Variants in ZNF69 observed in about 807,000 individuals in gnomAD.
The protein encoded by ZNF69 is ZNF3.
ZNF69 carries 47 observed loss-of-function variants against 50.9 expected under a neutral mutation model. The observed-to-expected ratio is 0.92, with a 90% CI of 0.73 to 1.18. ZNF69 has a LOEUF of 1.18. ZNF69 is among the 50% of genes most tolerant of loss of function. The pLI, the probability that ZNF69 is intolerant of heterozygous loss-of-function variation, is 0.00. For synonymous variants in ZNF69, 216 were observed against 223.1 expected, an observed-to-expected ratio of 0.97 and a Z score of 0.29; for missense variants, 717 against 675.1, an observed-to-expected ratio of 1.06 and a Z score of -0.69.
At chr19:11,898,036 T>A (rs916536286) in intron 1 of ZNF69, among the ~76,000 whole-genome samples, 3 of 152,156 alleles carry the variant, frequency 2.0e-5, no homozygotes, top group Admixed American at 1.3e-4. Flanking sequence ...AAATATTACA[T>A]GTGCACAAAA....
the ZNF69 span, among the ~76,000 whole-genome samples, chr19:11,928,685 T>C: frequency 1.6e-5 from 2 of 128,176 alleles, no homozygotes; most frequent in African/African-American, 6.4e-5. Flanking sequence ...TGAGCCGAGA[T>C]CCCGCCACTG....
downstream of ZNF69, among the ~76,000 whole-genome samples, chr19:11,911,611 G>A (rs1972459205): frequency 6.6e-6 from 1 of 152,126 alleles, no homozygotes; most frequent in Non-Finnish European, 1.5e-5. Flanking sequence ...TCATAGGAGA[G>A]AACTGAACAA....
chr19:11,967,925 C>T, the ZNF69 span, among the ~76,000 whole-genome samples: 1 of 152,156 alleles, frequency 6.6e-6, no homozygotes, highest in East Asian at 1.9e-4. Flanking sequence ...TATCCTTTAC[C>T]TTTTAGCACA....
At chr19:11,900,834 A>T (rs1408906021) in intron 1 of ZNF69, among the ~76,000 whole-genome samples, 1 of 152,102 alleles carries the variant, frequency 6.6e-6, no homozygotes, top group Admixed American at 6.5e-5. Context: ...ATGAAGTCCA[A>T]TTTATCGATT....
chr19:11,953,108 T>G, the ZNF69 span: 1 of 152,062 alleles, frequency 6.6e-6, no homozygotes, highest in African/African-American at 2.4e-5. Flanking sequence ...AAGAGTTGGG[T>G]GCACCTGGAT....
the ZNF69 span, chr19:11,978,252 G>A: frequency 1.4e-3 from 2,231 of 1,614,028 alleles, 30 homozygotes; most frequent in African/African-American, 0.027. Flanking sequence ...TGATAACTTT[G>A]TATGTGGAGA....
the ZNF69 span, among the ~76,000 whole-genome samples, chr19:11,938,235 AT>A: frequency 6.9e-4 from 105 of 151,438 alleles, 1 homozygote; most frequent in South Asian, 0.021. Flanking sequence ...CACCTGGCTG[AT>A]TTTTTTTTAA....
the ZNF69 span, among the ~76,000 whole-genome samples, chr19:11,968,896 G>C: frequency 6.6e-6 from 1 of 152,122 alleles, no homozygotes; most frequent in South Asian, 2.1e-4. Context: ...AGTGACAAGG[G>C]AAAGGGTCTT....
In ZNF69 at chr19:11,905,577, G is replaced by A; in HGVS notation, c.1180G>A (p.Gly394Ser). The A allele has an allele frequency of 6.2e-7, 1 of 1,613,892 alleles. No individual in the cohort carries two copies. The highest frequency in any genetic ancestry group is 1.3e-5 in the African/African-American group (1 of 74,962). ...GAAACCCTATAAATGCAAGCAATGT[G>A]GTAAAGCCTTCATTCATTCCAGTTC... ...GEKPYKCKQCGKAFIHSSSLR... is the reference protein window; with the variant it reads ...GEKPYKCKQCSKAFIHSSSLR... Residue 394 changes from glycine (G) to serine (S), a missense_variant, in exon 4 of 4, where the codon GGT becomes AGT. Gly to Ser is a moderately conservative substitution (Grantham distance 56). Coordinates refer to ENST00000429654, the MANE Select transcript of ZNF69 (RefSeq NM_001364730.1).
chr19:11,948,129 C>T, the ZNF69 span: 1 of 900,630 alleles, frequency 1.1e-6, no homozygotes. Flanking sequence ...TCTTGTAGAA[C>T]ATGTCCAGTC....
At chr19:11,896,592 AAG>A (rs1972128073) in intron 1 of ZNF69, among the ~76,000 whole-genome samples, 1 of 152,252 alleles carries the variant, frequency 6.6e-6, no homozygotes, top group African/African-American at 2.4e-5. Context: ...GTCTTCTTAT[AAG>A]AGCACTAATC....
At chr19:11,959,330 G>A in the ZNF69 span, among the ~76,000 whole-genome samples, 2 of 152,188 alleles carry the variant, frequency 1.3e-5, no homozygotes, top group Non-Finnish European at 2.9e-5. Flanking sequence ...ATAACAATAT[G>A]AATACTCAGA....
At chr19:11,929,148 T>G in the ZNF69 span, among the ~76,000 whole-genome samples, 1 of 148,158 alleles carries the variant, frequency 6.7e-6, no homozygotes, top group African/African-American at 2.6e-5. Context: ...CCAGCTTAAA[T>G]TTTTGAATTA....
At chr19:11,923,597 C>CT in the ZNF69 span, among the ~76,000 whole-genome samples, 5 of 152,350 alleles carry the variant, frequency 3.3e-5, no homozygotes, top group South Asian at 1.0e-3. Flanking sequence ...CCTGGAGGTG[C>CT]TGCAGTGTCA....
the ZNF69 span, among the ~76,000 whole-genome samples, chr19:11,976,256 C>T: frequency 1.3e-5 from 2 of 151,612 alleles, no homozygotes; most frequent in Admixed American, 6.6e-5. Context: ...GACTCTATTA[C>T]GACAGGTGCT....
At chr19:11,899,376 G>C (rs1266103652) in intron 1 of ZNF69, among the ~76,000 whole-genome samples, 1 of 152,148 alleles carries the variant, frequency 6.6e-6, no homozygotes, top group Non-Finnish European at 1.5e-5. Flanking sequence ...TGATCCTCCT[G>C]CCTGAGCTTC....
chr19:11,927,892 T>TA, the ZNF69 span, among the ~76,000 whole-genome samples: 1 of 152,178 alleles, frequency 6.6e-6, no homozygotes, highest in Non-Finnish European at 1.5e-5. Context: ...AAATTGGTGT[T>TA]ACTCTGGCTC....
chr19:11,905,263 G>T lies in ZNF69; in HGVS notation c.866G>T (p.Arg289Ile). Residue 289 changes from arginine (R) to isoleucine (I), a missense_variant, in exon 4 of 4, where the codon AGA becomes ATA. Arg to Ile is a moderately conservative substitution (Grantham distance 97). Coordinates refer to ENST00000429654, the MANE Select transcript of ZNF69 (RefSeq NM_001364730.1). The part of the protein sequence containing the change: ...QQCGKAFHSP[R>I]CYRRHERIHT... ...TGTGGGAAAGCATTTCATAGTCCCA[G>T]ATGCTATCGTAGACATGAAAGGATT... 6.2e-7 allele frequency: 1 copy of T among 1,613,940 alleles called. No homozygotes were observed. Among genetic ancestry groups the T allele is most frequent in the Non-Finnish European group, 8.5e-7 (1 of 1,179,986 alleles).
the ZNF69 span, among the ~76,000 whole-genome samples, chr19:11,945,884 G>T: frequency 6.6e-6 from 1 of 152,088 alleles, no homozygotes; most frequent in Non-Finnish European, 1.5e-5. Context: ...ATTACTTCAT[G>T]TACCCCTATA....
Sources: allele counts gnomAD v4.1 joint callset (sites outside exome capture counted in the v4.1 genomes callset), GRCh38; gene constraint gnomAD v4.1.1; transcripts MANE v1.5; gene names NCBI Gene and HGNC (gene_info 2026-07-23, HGNC 2026-07-21).